Variants in USP39 observed in about 807,000 individuals in gnomAD.
The protein encoded by USP39 is ubiquitin specific peptidase 39.
Under a neutral mutation model 66.4 loss-of-function variants are expected in USP39, and 38 were observed. That is an observed-to-expected ratio of 0.57 (90% confidence interval 0.44 to 0.75). The LOEUF (loss-of-function observed/expected upper bound fraction) is 0.75. USP39 is among the 30% of genes least tolerant of loss of function. The pLI is 0.00. For synonymous variants in USP39, 303 were observed against 274.6 expected, an observed-to-expected ratio of 1.10 and a Z score of -1.02; for missense variants, 608 against 714.4, an observed-to-expected ratio of 0.85 and a Z score of 1.70.
In USP39 at chr2:85,639,404, C is replaced by T. The variant is rs368051587; in HGVS notation, c.1284+13C>T. ...CATCACTGAGAAGGTAGCCCATTAA[C>T]ACACCTGCCCTGCCTATACTTACCC... On this transcript the variant is annotated intron_variant, in intron 9 of 12. Coordinates refer to ENST00000323701, the MANE Select transcript of USP39 (RefSeq NM_006590.4). 34 of 1,607,310 alleles carry T rather than the reference C, an allele frequency of 2.1e-5. No homozygotes were observed. The highest frequency in any genetic ancestry group is 5.0e-5 in the Admixed American group (3 of 59,556).
At position 85,639,232 on chromosome 2, in the gene USP39, T is replaced by C. The variant is rs1056627416; in HGVS notation, c.1125T>C (p.His375=). The change falls in exon 9 of 13, where the codon CAT becomes CAC. Residue 375 remains histidine (H), a synonymous_variant. Coordinates refer to ENST00000323701, the MANE Select transcript of USP39 (RefSeq NM_006590.4). Reference sequence around the variant, plus strand: ...CAGAAGAAAAAGAGCAGTTGCTCCATAATGACGAGTACCAGGAGACAATGG... The same window carrying C: ...CAGAAGAAAAAGAGCAGTTGCTCCACAATGACGAGTACCAGGAGACAATGG... ...LPAEEKEQLL[H]NDEYQETMVE... is the part of the protein sequence containing the mutation. The C allele has an allele frequency of 7.4e-6, 12 of 1,613,338 alleles. No homozygotes were observed. The highest frequency in any genetic ancestry group is 1.0e-5 in the Non-Finnish European group (12 of 1,179,730).
upstream of USP39, chr2:85,611,861 G>A (rs766085466): frequency 2.5e-6 from 4 of 1,597,986 alleles, no homozygotes; most frequent in African/African-American, 2.7e-5. Flanking sequence ...CGGCGGCGGC[G>A]CAGGGCGGGG....
rs764104079 is a variant in USP39, at chr2:85,637,470, C to A, written c.1095+34C>A. ...ATTGAGCCTGGGTCTTGGACTGATT[C>A]ATATTGCTTGAGGGGACGTAGGGGA... On this transcript the variant is annotated intron_variant, in intron 8 of 12. Transcript: ENST00000323701. The A allele has an allele frequency of 3.7e-6, 6 of 1,607,556 alleles. No individual in the cohort carries two copies. In the East Asian group the frequency reaches 8.9e-5, roughly 24 times the overall value.
chr2:85,641,377 G>C (rs1295721722), intron 10 of USP39, among the ~76,000 whole-genome samples: 1 of 152,200 alleles, frequency 6.6e-6, no homozygotes, highest in African/African-American at 2.4e-5. Context: ...GCGTAGAGAA[G>C]AAGAAATGAT....
At chr2:85,635,362 C>T (rs1675681487) in intron 6 of USP39, among the ~76,000 whole-genome samples, 1 of 152,106 alleles carries the variant, frequency 6.6e-6, no homozygotes, top group Non-Finnish European at 1.5e-5. Flanking sequence ...GAGTTCGAGA[C>T]CGGCCTGGCC....
chr2:85,606,523 G>A (rs565774231), intron 1 of USP39: 4 of 152,170 alleles, frequency 2.6e-5, no homozygotes, highest in African/African-American at 9.7e-5. Context: ...CTGTAGAGAG[G>A]GCAGTAGCAT....
At position 85,639,244 on chromosome 2, in the gene USP39, C is replaced by T. The variant is rs1410875741; in HGVS notation, c.1137C>T (p.Tyr379=). ...EKEQLLHNDE[Y]QETMVESTFM... ...AGCAGTTGCTCCATAATGACGAGTA[C>T]CAGGAGACAATGGTGGAGTCCACTT... The change falls in exon 9 of 13, where the codon TAC becomes TAT. Residue 379 remains tyrosine, a synonymous_variant. Transcript: ENST00000323701. 4 of 1,613,782 alleles carry T rather than the reference C, an allele frequency of 2.5e-6. No individual in the cohort carries two copies. The highest frequency in any genetic ancestry group is 3.4e-6 in the Non-Finnish European group (4 of 1,179,936).
chr2:85,641,202 C>G, intron 10 of USP39, 84 bp downstream of exon 10: 1 of 1,558,652 alleles, frequency 6.4e-7, no homozygotes, highest in Non-Finnish European at 8.8e-7. Context: ...TAATTTTGGA[C>G]TGTCTTAGTT....
rs190513066 is a variant in USP39, at chr2:85,620,001, C to T, written c.338+712C>T. Among the ~76,000 whole-genome samples, 978 of 152,064 alleles carry T rather than the reference C, an allele frequency of 6.4e-3. 7 individuals carry two copies. Among genetic ancestry groups the T allele is most frequent in the South Asian group, 0.033 (158 of 4,810 alleles). On this transcript the variant is annotated intron_variant, in intron 2 of 12. Transcript: ENST00000323701. ...TCCTGAGTAGCTGGGATTACAGGTG[C>T]CCGCCACCACGCCCAGCTAATTTTT...
intron 8 of USP39, 66 bp from the exon 9 acceptor site, chr2:85,639,137 C>T (rs1363368119): frequency 2.0e-5 from 29 of 1,439,268 alleles, no homozygotes; most frequent in African/African-American, 1.0e-4. Flanking sequence ...GGTAAAACAT[C>T]GGTTCTGTGT....
intron 8 of USP39, 47 bp from the exon 9 acceptor site, chr2:85,639,156 A>C (rs370387272): frequency 3.8e-6 from 6 of 1,563,634 alleles, no homozygotes; most frequent in Non-Finnish European, 5.2e-6. Flanking sequence ...GTTGGTTCCT[A>C]TACCCGTCAC....
intron 1 of USP39, 152 bp from the exon 2 acceptor site, chr2:85,619,068 G>T (rs1167182613): frequency 8.6e-6 from 7 of 811,428 alleles, no homozygotes; most frequent in Non-Finnish European, 1.4e-5. Flanking sequence ...ACCGCGCCCG[G>T]CTAGTGGACT....
At chr2:85,616,500 GT>G (rs368572821) in intron 1 of USP39, 37 bp downstream of exon 1, 5 of 1,104,034 alleles carry the variant, frequency 4.5e-6, no homozygotes, top group Admixed American at 4.7e-5. Flanking sequence ...GCGAGAGCCT[GT>G]TTTTTTCGCG....
At chr2:85,618,704 C>A (rs995466226) in intron 1 of USP39, among the ~76,000 whole-genome samples, 2 of 151,536 alleles carry the variant, frequency 1.3e-5, no homozygotes, top group Non-Finnish European at 2.9e-5. Context: ...AACAAATCTT[C>A]TGTTGATTTT....
upstream of USP39, chr2:85,609,514 A>G: frequency 6.2e-7 from 1 of 1,614,236 alleles, no homozygotes; most frequent in Non-Finnish European, 8.5e-7. Context: ...AGAAGGCTCC[A>G]GCTCAGAGCC....
upstream of USP39, chr2:85,609,620 G>A: frequency 1.9e-6 from 3 of 1,612,688 alleles, no homozygotes; most frequent in Non-Finnish European, 2.5e-6. Context: ...AAAGAAGAGG[G>A]GGGGTGCTGC....
At chr2:85,612,483 T>G, upstream of USP39, 1 of 1,094,800 alleles carries the variant, frequency 9.1e-7, no homozygotes. Flanking sequence ...AAATGGATTG[T>G]GAGGCCTTGA....
At chr2:85,613,492 TCAAAAAA>T (rs1673709518), upstream of USP39, among the ~76,000 whole-genome samples, 2 of 151,612 alleles carry the variant, frequency 1.3e-5, no homozygotes, top group African/African-American at 4.9e-5. Context: ...AACCTCCAAA[TCAAAAAA>T]CAAAAAACAA....
rs1360538390 is a variant in USP39, at chr2:85,622,222, A to G, written c.433+643A>G. On this transcript the variant is annotated intron_variant, in intron 3 of 12. Coordinates refer to ENST00000323701, the MANE Select transcript of USP39 (RefSeq NM_006590.4). ...TGCAGCCTCTTGACTCCCAGGTTCA[A>G]GTGATTCTCCTGCCTCAGCCTCCTG... 2.0e-5 allele frequency among the ~76,000 whole-genome samples: 3 copies of G among 151,776 alleles called. No individual in the cohort carries two copies. The East Asian group carries it at 5.8e-4, about 29-fold the overall frequency.
Sources: gnomAD v4.1 joint callset for allele counts (sites outside exome capture counted in the v4.1 genomes callset) on GRCh38, gnomAD v4.1.1 for gene constraint, MANE v1.5 for transcripts, NCBI Gene and HGNC (gene_info 2026-07-23, HGNC 2026-07-21) for gene names.